Variants in CNST observed in about 807,000 individuals in gnomAD.
CNST encodes the protein consortin, connexin sorting protein.
Under a neutral mutation model 72.4 loss-of-function variants are expected in CNST, and 39 were observed. The ratio of observed to expected loss-of-function variants is 0.54; its 90% CI spans 0.42 to 0.70. The LOEUF (loss-of-function observed/expected upper bound fraction) is 0.70, where lower values mean the gene tolerates loss of function less well. Among genes scored for constraint, CNST ranks in the 30% least tolerant of loss-of-function variants. The probability of loss-of-function intolerance (pLI) is 0.00; values close to 1 mark genes in which losing one functional copy is unlikely to be tolerated. For synonymous variants in CNST, 332 were observed against 320.1 expected (o/e 1.04, Z -0.40); for missense variants, 871 against 868.5 (o/e 1.00, Z -0.04).
intron 1 of CNST, among the ~76,000 whole-genome samples, chr1:246,583,357 A>G (rs911026522): frequency 5.3e-5 from 8 of 152,186 alleles, no homozygotes; most frequent in Admixed American, 5.2e-4. Flanking sequence ...AGTAACCTTC[A>G]TTCCTCTGAC....
intron 3 of CNST, among the ~76,000 whole-genome samples, chr1:246,625,411 T>C (rs967950358): frequency 7.6e-6 from 1 of 131,464 alleles, no homozygotes; most frequent in Non-Finnish European, 1.5e-5. Context: ...TAATTATTTC[T>C]TTCTTTTTTT....
chr1:246,660,958 T>G (rs1667068243), intron 10 of CNST, among the ~76,000 whole-genome samples: 1 of 151,892 alleles, frequency 6.6e-6, no homozygotes, highest in South Asian at 2.1e-4. Flanking sequence ...GTCTGCTATT[T>G]TTGTCTTTTG....
chr1:246,653,986 C>T (rs1267758930), intron 9 of CNST, among the ~76,000 whole-genome samples: 2 of 152,198 alleles, frequency 1.3e-5, no homozygotes, highest in Non-Finnish European at 2.9e-5. Context: ...TTAAACTCCA[C>T]AGATTAAACC....
At chr1:246,662,616 C>A (rs1295254815) in intron 10 of CNST, among the ~76,000 whole-genome samples, 1 of 152,174 alleles carries the variant, frequency 6.6e-6, no homozygotes, top group African/African-American at 2.4e-5. Context: ...GTCTCGAACT[C>A]CTGACCTCAG....
intron 1 of CNST, among the ~76,000 whole-genome samples, chr1:246,586,264 C>A: frequency 6.8e-6 from 1 of 146,484 alleles, no homozygotes; most frequent in Non-Finnish European, 1.5e-5. Context: ...ATATATAAAG[C>A]TATATATCTT....
chr1:246,640,161 A>G (rs1274906993), intron 6 of CNST, among the ~76,000 whole-genome samples: 1 of 152,202 alleles, frequency 6.6e-6, no homozygotes, highest in Admixed American at 6.5e-5. Context: ...TAAAAGGTCA[A>G]CTTTGTGTAG....
chr1:246,631,945 G>A (rs1436267834), intron 4 of CNST, 21 bp downstream of exon 4: 3 of 1,448,906 alleles, frequency 2.1e-6, no homozygotes, highest in East Asian at 2.3e-5. Flanking sequence ...CTTAATTACA[G>A]GAAGAAATTT....
chr1:246,597,647 C>T (rs1481265114), intron 2 of CNST, among the ~76,000 whole-genome samples: 1 of 152,164 alleles, frequency 6.6e-6, no homozygotes, highest in Non-Finnish European at 1.5e-5. Context: ...TCTCTGGAGG[C>T]CTTCACAGTG....
At position 246,647,127 on chromosome 1, in the gene CNST, C is replaced by T; in HGVS notation, c.938-12C>T. The T allele has an allele frequency of 3.2e-6, 5 of 1,584,036 alleles. No homozygotes were observed. Among genetic ancestry groups the T allele is most frequent in the Non-Finnish European group, 4.3e-6 (5 of 1,167,482 alleles). ...TTTGAATTTTTAACAATTTATTTTT[C>T]TTCATCTTTAGAGAGTAAAACTTGT... On this transcript the variant is annotated splice_polypyrimidine_tract_variant and intron_variant, in intron 8 of 10. Transcript: ENST00000366513.
At chr1:246,605,909 A>G (rs1662750960) in intron 2 of CNST, 2 of 151,620 alleles carry the variant, frequency 1.3e-5, no homozygotes, top group South Asian at 2.1e-4. Flanking sequence ...CTGCTGGTGC[A>G]AGCGGCCTTG....
At chr1:246,624,441 T>C (rs1664291765) in intron 3 of CNST, among the ~76,000 whole-genome samples, 1 of 152,246 alleles carries the variant, frequency 6.6e-6, no homozygotes, top group Non-Finnish European at 1.5e-5. Context: ...GCACTTAACA[T>C]ATGTTTGACG....
intron 1 of CNST, among the ~76,000 whole-genome samples, chr1:246,582,799 C>G (rs4531261): frequency 2.6e-5 from 4 of 152,106 alleles, no homozygotes; most frequent in Admixed American, 2.6e-4. Flanking sequence ...ACCTCAGGTA[C>G]GAGTAGAATG....
rs974560161 is a variant in CNST at position 246,566,538 on chromosome 1, C to A, written c.-177C>A. ...CGGGGCGGAAAGGCGAGAGGTGTCTCCTCCACCGGAGCCAGGGGAGACCCG... is the reference window on the plus strand; with the variant it reads ...CGGGGCGGAAAGGCGAGAGGTGTCTACTCCACCGGAGCCAGGGGAGACCCG... On this transcript the variant is annotated 5_prime_UTR_variant, in exon 1 of 11. Coordinates refer to ENST00000366513, the MANE Select transcript of CNST (RefSeq NM_152609.3). 3 of 426,914 alleles carry A rather than the reference C, an allele frequency of 7.0e-6. No individual in the cohort carries two copies. The highest frequency in any genetic ancestry group is 3.8e-5 in the Admixed American group (1 of 26,028). The allele number at this position is 426,914 out of a possible 1,614,324, so 26.4% of individuals were successfully genotyped here. A position where few individuals can be genotyped will look rare whatever the true frequency, so the allele number is the denominator to read the frequency against.
At chr1:246,582,521 C>T (rs576604391) in intron 1 of CNST, among the ~76,000 whole-genome samples, 2 of 152,022 alleles carry the variant, frequency 1.3e-5, no homozygotes, top group African/African-American at 2.4e-5. Flanking sequence ...GCCGGGCTTA[C>T]GTTTTGTATC....
At chr1:246,660,808 A>G (rs1667059599) in intron 10 of CNST, among the ~76,000 whole-genome samples, 1 of 152,150 alleles carries the variant, frequency 6.6e-6, no homozygotes, top group Non-Finnish European at 1.5e-5. Flanking sequence ...AAATCCAACT[A>G]TCATCTTAAA....
intron 2 of CNST, among the ~76,000 whole-genome samples, chr1:246,605,585 T>C (rs1235875523): frequency 6.6e-6 from 1 of 151,964 alleles, no homozygotes; most frequent in Non-Finnish European, 1.5e-5. Context: ...AAACAGGAAG[T>C]GTCCCTGTCT....
Position 246,668,101 on chromosome 1 carries a change from G to A in CNST, c.*2196G>A, listed in dbSNP as rs925658412. ...TTTGACTTACAATAGGCATGAAATCGCAACTAGAAAAATTAGGGCAGTTTT... is the reference window on the plus strand; with the variant it reads ...TTTGACTTACAATAGGCATGAAATCACAACTAGAAAAATTAGGGCAGTTTT... On this transcript the variant is annotated 3_prime_UTR_variant, in exon 11 of 11. Coordinates refer to ENST00000366513, the MANE Select transcript of CNST (RefSeq NM_152609.3). 1 of 152,290 alleles carries A rather than the reference G, an allele frequency of 6.6e-6. No individual in the cohort carries two copies. Among genetic ancestry groups the A allele is most frequent in the African/African-American group, 2.4e-5 (1 of 41,568 alleles). 9.4% of individuals were successfully genotyped at this position (152,290 alleles called of 1,614,324 possible). A position where few individuals can be genotyped will look rare whatever the true frequency, so the allele number is the denominator to read the frequency against.
At chr1:246,618,135 A>G (rs921631799) in intron 2 of CNST, among the ~76,000 whole-genome samples, 3 of 152,230 alleles carry the variant, frequency 2.0e-5, no homozygotes, top group Non-Finnish European at 4.4e-5. Flanking sequence ...ATTATCGTAA[A>G]TAGTTGCTCA....
intron 3 of CNST, among the ~76,000 whole-genome samples, chr1:246,627,619 G>A (rs934634273): frequency 5.9e-5 from 9 of 152,202 alleles, no homozygotes; most frequent in East Asian, 1.9e-4. Flanking sequence ...GTCCTGTTTC[G>A]AGTGGATCAC....
Sources: allele counts gnomAD v4.1 joint callset (sites outside exome capture counted in the v4.1 genomes callset), GRCh38; gene constraint gnomAD v4.1.1; transcripts MANE v1.5; gene names NCBI Gene and HGNC (gene_info 2026-07-23, HGNC 2026-07-21).